Variants in ABCA13 observed in about 807,000 individuals in gnomAD.
The protein encoded by ABCA13 is ATP binding cassette subfamily A member 13, also known as ATP-binding cassette sub-family A member 13.
Under a neutral mutation model 478.7 loss-of-function variants are expected in ABCA13, and 476 were observed. The ratio of observed to expected loss-of-function variants is 0.99; its 90% CI spans 0.92 to 1.07. ABCA13 has a LOEUF of 1.07. Ranked by LOEUF, ABCA13 falls within the 50% of genes least tolerant of loss-of-function variation. The pLI is 0.00. For missense variants in ABCA13, 6,060 were observed against 5,910.6 expected, an observed-to-expected ratio of 1.03 and a Z score of -0.83; for synonymous variants, 2,252 against 2,158.9, an observed-to-expected ratio of 1.04 and a Z score of -1.20.
Position 48,199,417 on chromosome 7 carries a change from C to T in ABCA13, c.287+1057C>T, listed in dbSNP as rs551630808. Among the ~76,000 whole-genome samples, 5 of 152,276 alleles carry T rather than the reference C, an allele frequency of 3.3e-5. No homozygotes were observed. In the South Asian group the frequency reaches 8.3e-4, roughly 25 times the overall value. ...TTCCATTATAAATGACACCTTCCAG[C>T]TGTGTTCTCACATAATGGAAGGGAT... On this transcript the variant is annotated intron_variant, in intron 3 of 61. Transcript: ENST00000435803.
At chr7:48,599,251 AT>A (rs528508993) in intron 58 of ABCA13, among the ~76,000 whole-genome samples, 99 of 150,834 alleles carry the variant, frequency 6.6e-4, no homozygotes, top group Admixed American at 4.0e-3. Context: ...TTTTTAAGAG[AT>A]TTTTTTTTCT....
intron 48 of ABCA13, among the ~76,000 whole-genome samples, chr7:48,502,577 A>T (rs1830853621): frequency 6.6e-6 from 1 of 152,202 alleles, no homozygotes; most frequent in Non-Finnish European, 1.5e-5. Flanking sequence ...GTATGGCTAT[A>T]GTCTTAGGAA....
chr7:48,483,272 C>A, intron 47 of ABCA13, 109 bp downstream of exon 47: 1 of 905,394 alleles, frequency 1.1e-6, no homozygotes, highest in Non-Finnish European at 1.6e-6. Flanking sequence ...TAAATCCAAT[C>A]ATTTGTTACT....
intron 15 of ABCA13, among the ~76,000 whole-genome samples, chr7:48,261,926 A>T (rs1177947232): frequency 6.6e-6 from 1 of 151,936 alleles, no homozygotes; most frequent in African/African-American, 2.4e-5. Context: ...TCACTCTAGG[A>T]TAATCGGGCA....
chr7:48,553,102 T>G (rs984319581), intron 55 of ABCA13, among the ~76,000 whole-genome samples: 1 of 152,110 alleles, frequency 6.6e-6, no homozygotes, highest in Non-Finnish European at 1.5e-5. Context: ...TTATTTCACT[T>G]AACACAATGA....
At chr7:48,258,297 C>T (rs1477080359) in intron 15 of ABCA13, among the ~76,000 whole-genome samples, 2 of 152,070 alleles carry the variant, frequency 1.3e-5, no homozygotes, top group African/African-American at 2.4e-5. Flanking sequence ...CAGTTTCTTC[C>T]TGTTTTGATC....
At chr7:48,532,797 GTT>G (rs975385139) in intron 55 of ABCA13, among the ~76,000 whole-genome samples, 3 of 151,946 alleles carry the variant, frequency 2.0e-5, no homozygotes, top group African/African-American at 7.2e-5. Context: ...GTGTGAAGGT[GTT>G]TATACTAGAA....
intron 29 of ABCA13, among the ~76,000 whole-genome samples, chr7:48,344,812 A>C (rs1807806566): frequency 6.6e-6 from 1 of 152,164 alleles, no homozygotes; most frequent in South Asian, 2.1e-4. Context: ...AGTGTACTCA[A>C]GGTCTCCAAA....
At chr7:48,176,872 T>C (rs1794955965) in intron 1 of ABCA13, among the ~76,000 whole-genome samples, 1 of 152,230 alleles carries the variant, frequency 6.6e-6, no homozygotes, top group Admixed American at 6.5e-5. Context: ...TAAAGAAACA[T>C]GTTCTCAAGT....
intron 49 of ABCA13, among the ~76,000 whole-genome samples, chr7:48,507,627 A>T (rs1831328646): frequency 6.6e-6 from 1 of 151,830 alleles, no homozygotes; most frequent in African/African-American, 2.4e-5. Context: ...ACACAAGAAG[A>T]CTCCGAAATG....
chr7:48,388,439 C>T (rs1440648682), intron 36 of ABCA13, among the ~76,000 whole-genome samples: 1 of 152,180 alleles, frequency 6.6e-6, no homozygotes, highest in Non-Finnish European at 1.5e-5. Flanking sequence ...GAGATAGGGG[C>T]AGGACTGTCC....
intron 50 of ABCA13, among the ~76,000 whole-genome samples, chr7:48,509,801 A>G (rs1273311780): frequency 6.6e-6 from 1 of 152,168 alleles, no homozygotes; most frequent in Admixed American, 6.5e-5. Context: ...TGGTATTTGG[A>G]TGTGGGATCT....
At chr7:48,197,142 G>A (rs963078158) in intron 2 of ABCA13, among the ~76,000 whole-genome samples, 3 of 152,230 alleles carry the variant, frequency 2.0e-5, no homozygotes, top group African/African-American at 7.2e-5. Context: ...GGTTTGGGCA[G>A]GCTGCACATG....
At chr7:48,233,843 C>T (rs1235860723) in intron 7 of ABCA13, among the ~76,000 whole-genome samples, 175 bp from the exon 8 acceptor site, 1 of 152,200 alleles carries the variant, frequency 6.6e-6, no homozygotes, top group Non-Finnish European at 1.5e-5. Context: ...TCACCATTCT[C>T]TCTATAGCAG....
At chr7:48,616,243 C>T (rs1792555456) in intron 59 of ABCA13, among the ~76,000 whole-genome samples, 1 of 152,060 alleles carries the variant, frequency 6.6e-6, no homozygotes, top group African/African-American at 2.4e-5. Flanking sequence ...ATTGAGATGA[C>T]ATAGTAGGGA....
At chr7:48,264,261 C>T (rs547848746) in intron 15 of ABCA13, among the ~76,000 whole-genome samples, 11 of 151,948 alleles carry the variant, frequency 7.2e-5, no homozygotes, top group South Asian at 2.1e-4. Context: ...TGAACATTCA[C>T]GGACAAGTCT....
intron 23 of ABCA13, among the ~76,000 whole-genome samples, chr7:48,303,417 A>G (rs944630790): frequency 6.6e-6 from 1 of 152,052 alleles, no homozygotes; most frequent in Non-Finnish European, 1.5e-5. Flanking sequence ...GCCCATTCCT[A>G]TGTCCAGAAT....
At chr7:48,510,999 GA>G in intron 50 of ABCA13, 84 bp from the exon 51 acceptor site, 1 of 1,112,706 alleles carries the variant, frequency 9.0e-7, no homozygotes, top group Non-Finnish European at 1.3e-6. Context: ...TTGTGAAGTT[GA>G]AAGGAAACTT....
At chr7:48,380,133 C>G (rs117855016) in intron 35 of ABCA13, among the ~76,000 whole-genome samples, 5,439 of 152,240 alleles carry the variant, frequency 0.036, 116 homozygotes, top group Middle Eastern at 0.062. Context: ...TGTTAATCAT[C>G]TCAATGTGTA....
Sources: gnomAD v4.1 joint callset for allele counts (sites outside exome capture counted in the v4.1 genomes callset) on GRCh38, gnomAD v4.1.1 for gene constraint, MANE v1.5 for transcripts, NCBI Gene and HGNC (gene_info 2026-07-23, HGNC 2026-07-21) for gene names.